The following GAB2 variants were observed in gnomAD, a reference collection of about 807,000 sequenced individuals.
GAB2 encodes GRB2 associated binding protein 2.
In GAB2, 26 loss-of-function variants were observed where a neutral mutation model predicts 65.5. The ratio of observed to expected loss-of-function variants is 0.40; its 90% CI spans 0.29 to 0.55. The LOEUF (loss-of-function observed/expected upper bound fraction) is 0.55, where lower values mean the gene tolerates loss of function less well. GAB2 is among the 20% of genes least tolerant of loss of function. The pLI is 0.53. For missense variants in GAB2, 884 were observed against 875.8 expected (o/e 1.01, Z -0.12); for synonymous variants, 321 against 329.6 (o/e 0.97, Z 0.28).
At chr11:78,294,507 G>T (rs1308206215) in intron 1 of GAB2, among the ~76,000 whole-genome samples, 1 of 152,120 alleles carries the variant, frequency 6.6e-6, no homozygotes, top group Non-Finnish European at 1.5e-5. Context: ...TTCTACAATG[G>T]CTGAACTAGT....
intron 2 of GAB2, among the ~76,000 whole-genome samples, chr11:78,272,825 G>A (rs2014418881): frequency 6.6e-6 from 1 of 152,170 alleles, no homozygotes; most frequent in African/African-American, 2.4e-5. Context: ...GGAAAAAATG[G>A]TTTTGTGGGC....
chr11:78,280,754 A>C lies in GAB2; in HGVS notation c.223T>G (p.Phe75Val). 1 of 1,614,196 alleles carries C rather than the reference A, an allele frequency of 6.2e-7. No homozygotes were observed. Residue 75 changes from phenylalanine (F) to valine (V), a missense_variant, in exon 2 of 10, where the codon TTT becomes GTT. Physicochemically the swap from Phe to Val is conservative, Grantham distance 50 (BLOSUM62 -1). Coordinates refer to ENST00000361507, the MANE Select transcript of GAB2 (RefSeq NM_080491.3). ...FCEQVDAGLT[F>V]NKKELQDSFV... ...CTATCCTGCAGCTCCTTCTTGTTAAAGGTCAGGCCTGCATCTACCTGCTCA... is the reference window on the plus strand; with the variant it reads ...CTATCCTGCAGCTCCTTCTTGTTAACGGTCAGGCCTGCATCTACCTGCTCA...
intron 6 of GAB2, 68 bp from the exon 7 acceptor site, chr11:78,222,263 A>G (rs1864465169): frequency 3.1e-6 from 3 of 968,138 alleles, no homozygotes; most frequent in East Asian, 2.4e-5. Context: ...CACCTTATAT[A>G]TAACACATGA....
intron 1 of GAB2, among the ~76,000 whole-genome samples, chr11:78,291,287 A>G (rs771321340): frequency 5.8e-5 from 5 of 85,600 alleles, no homozygotes. Flanking sequence ...CGTCTCTACT[A>G]AAACGACAAA....
At chr11:78,365,766 G>A (rs753753064) in intron 1 of GAB2, among the ~76,000 whole-genome samples, 12 of 152,098 alleles carry the variant, frequency 7.9e-5, no homozygotes, top group Non-Finnish European at 1.8e-4. Flanking sequence ...GCCTTGGATC[G>A]CAAAAAGCCT....
chr11:78,300,725 C>A (rs1184202476), intron 1 of GAB2, among the ~76,000 whole-genome samples: 1 of 135,878 alleles, frequency 7.4e-6, no homozygotes, highest in East Asian at 2.1e-4. Flanking sequence ...GACAGAGCCT[C>A]ACTCTGTTGC....
At chr11:78,230,847 A>ATTC (rs1864823597) in intron 3 of GAB2, among the ~76,000 whole-genome samples, 2 of 152,248 alleles carry the variant, frequency 1.3e-5, no homozygotes, top group Admixed American at 1.3e-4. Flanking sequence ...TAGATGGGGA[A>ATTC]TTCCAAATAC....
chr11:78,234,078 C>CTT (rs1864921871), intron 3 of GAB2, among the ~76,000 whole-genome samples: 1 of 151,964 alleles, frequency 6.6e-6, no homozygotes, highest in Non-Finnish European at 1.5e-5. Context: ...CTAGAAGTTT[C>CTT]TTTTCTTTTC....
chr11:78,296,002 C>A (rs746291297), intron 1 of GAB2, among the ~76,000 whole-genome samples: 1 of 152,164 alleles, frequency 6.6e-6, no homozygotes, highest in East Asian at 1.9e-4. Context: ...GGGGTAGGGA[C>A]GGTTTTGGGA....
At position 78,336,057 on chromosome 11, in the gene GAB2, C is replaced by G. The variant is rs1298110653; in HGVS notation, c.76-55156G>C. On this transcript the variant is annotated intron_variant, in intron 1 of 9. Transcript: ENST00000361507. ...GGTCGGGCATGGTGGCTCACACCTGCAATCCCAGTACTTTGGGAGGCGGAG... is the reference window on the plus strand; with the variant it reads ...GGTCGGGCATGGTGGCTCACACCTGGAATCCCAGTACTTTGGGAGGCGGAG... 6.6e-5 allele frequency among the ~76,000 whole-genome samples: 10 copies of G among 151,970 alleles called. 1 individual carries two copies. The East Asian group carries it at 1.7e-3, about 26-fold the overall frequency.
chr11:78,350,606 A>G (rs190929764), intron 1 of GAB2, among the ~76,000 whole-genome samples: 2 of 152,240 alleles, frequency 1.3e-5, no homozygotes, highest in African/African-American at 4.8e-5. Context: ...TCTAAAAAGT[A>G]TATACAAGGA....
At chr11:78,406,766 A>T (rs1391646032) in intron 1 of GAB2, among the ~76,000 whole-genome samples, 1 of 152,234 alleles carries the variant, frequency 6.6e-6, no homozygotes, top group Non-Finnish European at 1.5e-5. Context: ...ACACTGAGAT[A>T]ACAGAGCTGT....
chr11:78,270,111 G>A lies in GAB2; in HGVS notation c.376+10490C>T, dbSNP rs958297691. Among the ~76,000 whole-genome samples, 3 of 152,068 alleles carry A rather than the reference G, an allele frequency of 2.0e-5. No homozygotes were observed. In the East Asian group the frequency reaches 5.8e-4, roughly 29 times the overall value. On this transcript the variant is annotated intron_variant, in intron 2 of 9. Coordinates refer to ENST00000361507, the MANE Select transcript of GAB2 (RefSeq NM_080491.3). ...TGGAAGGCCAAGGCGGGTGGATCAC[G>A]AGATCAGGAGATCAATATCATCCTG...
At chr11:78,374,987 T>C (rs1044919426) in intron 1 of GAB2, among the ~76,000 whole-genome samples, 6 of 152,190 alleles carry the variant, frequency 3.9e-5, no homozygotes, top group East Asian at 1.9e-4. Context: ...CACAGGTACA[T>C]TGGTAAAGGG....
At chr11:78,266,520 C>A (rs1865880523) in intron 2 of GAB2, among the ~76,000 whole-genome samples, 1 of 152,220 alleles carries the variant, frequency 6.6e-6, no homozygotes, top group African/African-American at 2.4e-5. Flanking sequence ...ACATTTCTAT[C>A]ACTGGCCAGA....
At chr11:78,305,243 G>A (rs1855331537) in intron 1 of GAB2, among the ~76,000 whole-genome samples, 1 of 152,232 alleles carries the variant, frequency 6.6e-6, no homozygotes, top group Non-Finnish European at 1.5e-5. Context: ...GTCTGTGGCA[G>A]AGCTGGGACA....
At chr11:78,374,121 G>A (rs941497661) in intron 1 of GAB2, among the ~76,000 whole-genome samples, 2 of 152,084 alleles carry the variant, frequency 1.3e-5, no homozygotes, top group Non-Finnish European at 2.9e-5. Context: ...TGATAAGCAG[G>A]CCAACTTTAG....
chr11:78,288,360 C>T, intron 1 of GAB2, among the ~76,000 whole-genome samples: 1 of 112,142 alleles, frequency 8.9e-6, no homozygotes, highest in East Asian at 2.6e-4. Flanking sequence ...GCCTGGGCAA[C>T]AGAGTGAGAC....
chr11:78,286,512 T>C (rs1310816698), intron 1 of GAB2, among the ~76,000 whole-genome samples: 1 of 152,142 alleles, frequency 6.6e-6, no homozygotes, highest in Non-Finnish European at 1.5e-5. Flanking sequence ...ATCCTGAGAT[T>C]AAGGTCCAAT....
Sources: gnomAD v4.1 joint callset for allele counts (sites outside exome capture counted in the v4.1 genomes callset) on GRCh38, gnomAD v4.1.1 for gene constraint, MANE v1.5 for transcripts, NCBI Gene and HGNC (gene_info 2026-07-23, HGNC 2026-07-21) for gene names.